Variants in BMP2K observed in about 807,000 individuals in gnomAD.
BMP2K encodes the protein BMP2 inducible kinase, also known as BMP-2-inducible protein kinase.
A neutral mutation model predicts 116.0 loss-of-function variants in BMP2K; 74 were observed. The observed-to-expected ratio is 0.64, with a 90% CI of 0.53 to 0.77. BMP2K has a LOEUF of 0.77. Among genes scored for constraint, BMP2K ranks in the 30% least tolerant of loss-of-function variants. The probability of loss-of-function intolerance (pLI) is 0.00; values close to 1 mark genes in which losing one functional copy is unlikely to be tolerated. For missense variants in BMP2K, 1,365 were observed against 1,403.6 expected, an observed-to-expected ratio of 0.97 and a Z score of 0.44; for synonymous variants, 486 against 502.5, an observed-to-expected ratio of 0.97 and a Z score of 0.44.
intron 1 of BMP2K, among the ~76,000 whole-genome samples, chr4:78,823,901 T>C (rs968828525): frequency 2.0e-5 from 3 of 152,180 alleles, no homozygotes; most frequent in African/African-American, 7.2e-5. Flanking sequence ...GATAAATTCT[T>C]TCTTTCCACA....
intron 10 of BMP2K, among the ~76,000 whole-genome samples, chr4:78,865,963 T>A (rs186031723): frequency 6.6e-6 from 1 of 152,324 alleles, no homozygotes; most frequent in East Asian, 1.9e-4. Context: ...GCTTTGATAC[T>A]ATAAATACAA....
intron 1 of BMP2K, among the ~76,000 whole-genome samples, chr4:78,800,800 A>G (rs1171156896): frequency 6.6e-6 from 1 of 152,196 alleles, no homozygotes; most frequent in Non-Finnish European, 1.5e-5. Flanking sequence ...CTTTGTTTGT[A>G]TACAAGTGTT....
intron 1 of BMP2K, among the ~76,000 whole-genome samples, chr4:78,784,164 CCCT>C (rs1462226676): frequency 2.0e-5 from 3 of 152,104 alleles, no homozygotes; most frequent in Non-Finnish European, 4.4e-5. Flanking sequence ...TTCACCATTT[CCCT>C]CCTATTTTTT....
chr4:78,848,993 A>G (rs1731132048), intron 6 of BMP2K, among the ~76,000 whole-genome samples: 1 of 151,474 alleles, frequency 6.6e-6, no homozygotes, highest in Non-Finnish European at 1.5e-5. Context: ...TTGGCCAAGA[A>G]CTGTATCTTT....
chr4:78,838,194 C>G lies in BMP2K; in HGVS notation c.404-4191C>G, dbSNP rs537953734. On this transcript the variant is annotated intron_variant, in intron 3 of 15. Coordinates refer to ENST00000502613, the MANE Select transcript of BMP2K (RefSeq NM_198892.2). The stretch of plus-strand genomic sequence containing the variant: ...CTTTTACATCCCTTTTTAAAACCAT[C>G]GGATGTCGTGAGACTTATTCACCAT... Among the ~76,000 whole-genome samples, 6 of 152,138 alleles carry G rather than the reference C, an allele frequency of 3.9e-5. No homozygotes were observed. The South Asian group carries it at 8.3e-4, about 21-fold the overall frequency.
At chr4:78,872,016 C>T in intron 12 of BMP2K, 68 bp downstream of exon 12, 3 of 1,101,806 alleles carry the variant, frequency 2.7e-6, no homozygotes, top group Non-Finnish European at 4.0e-6. Context: ...CAGTATGAAT[C>T]ATATTATTCA....
At chr4:78,776,907 C>T (rs1435918914) in intron 1 of BMP2K, among the ~76,000 whole-genome samples, 186 bp downstream of exon 1, 2 of 152,160 alleles carry the variant, frequency 1.3e-5, no homozygotes, top group Non-Finnish European at 2.9e-5. Context: ...TTGCCGCTGG[C>T]TGCCCCGGCC....
intron 10 of BMP2K, among the ~76,000 whole-genome samples, chr4:78,867,595 G>A (rs1008574197): frequency 1.3e-5 from 2 of 152,050 alleles, no homozygotes; most frequent in East Asian, 1.9e-4. Context: ...TAACACGTGA[G>A]TATTGTATTT....
chr4:78,839,598 A>G (rs1233822518), intron 3 of BMP2K, among the ~76,000 whole-genome samples: 1 of 152,202 alleles, frequency 6.6e-6, no homozygotes, highest in East Asian at 1.9e-4. Flanking sequence ...CTAGAGGGAC[A>G]GAACTAATAG....
At chr4:78,848,961 A>G (rs2110030731) in intron 6 of BMP2K, among the ~76,000 whole-genome samples, 1 of 151,560 alleles carries the variant, frequency 6.6e-6, no homozygotes, top group South Asian at 2.1e-4. Flanking sequence ...AGTAATATCC[A>G]GAAAAAAATA....
chr4:78,784,540 A>G (rs1216870298), intron 1 of BMP2K, among the ~76,000 whole-genome samples: 1 of 152,242 alleles, frequency 6.6e-6, no homozygotes, highest in East Asian at 1.9e-4. Context: ...GTCAGTCAGC[A>G]CATGTCTGCT....
intron 15 of BMP2K, among the ~76,000 whole-genome samples, chr4:78,894,781 CT>C (rs1165036836): frequency 2.0e-5 from 3 of 152,330 alleles, no homozygotes; most frequent in South Asian, 4.1e-4. Flanking sequence ...TTTCAGCGTG[CT>C]TTCCTCTCTA....
intron 10 of BMP2K, among the ~76,000 whole-genome samples, chr4:78,869,176 A>T (rs1732210817): frequency 6.6e-6 from 1 of 152,166 alleles, no homozygotes; most frequent in Non-Finnish European, 1.5e-5. Flanking sequence ...CCCAAACCTC[A>T]GTTCTTGACT....
intron 7 of BMP2K, 52 bp downstream of exon 7, chr4:78,851,108 C>G: frequency 1.4e-6 from 2 of 1,450,434 alleles, no homozygotes; most frequent in Non-Finnish European, 1.8e-6. Flanking sequence ...GTACTTAGGG[C>G]CTACTATTTA....
In BMP2K at chr4:78,829,783, T is replaced by TTCTTTTCTTTTC. The variant is rs1553915833; in HGVS notation, c.297+3636_297+3637insTTTCTCTTTTCT. On this transcript the variant is annotated intron_variant, in intron 2 of 15. Coordinates refer to ENST00000502613, the MANE Select transcript of BMP2K (RefSeq NM_198892.2). ...TTCTTTTCTTTTCTTTTCTTTTCTTTTCTTTTCTCTTCTCTTCTCTTCTCT... is the reference window on the plus strand; with the variant it reads ...TTCTTTTCTTTTCTTTTCTTTTCTTTTCTTTTCTTTTCTCTTTTCTCTTCTCTTCTCTTCTCT... Among the ~76,000 whole-genome samples the TTCTTTTCTTTTC allele has an allele frequency of 6.5e-3, 717 of 110,700 alleles. 10 individuals are homozygous for TTCTTTTCTTTTC. Among genetic ancestry groups the TTCTTTTCTTTTC allele is most frequent in the South Asian group, 0.015 (48 of 3,216 alleles). The allele number at this position is 110,700 out of a possible 152,430, so 72.6% of individuals were successfully genotyped here.
chr4:78,914,029 CATAGT>C lies in BMP2K; in HGVS notation c.*1998_*2002del, dbSNP rs1180332260. 6.6e-6 allele frequency: 1 copy of C among 151,678 alleles called. No individual in the cohort carries two copies. The highest frequency in any genetic ancestry group is 1.5e-5 in the Non-Finnish European group (1 of 67,932). The allele number at this position is 151,678 out of a possible 1,614,324, so 9.4% of individuals were successfully genotyped here. A position where few individuals can be genotyped will look rare whatever the true frequency, so the allele number is the denominator to read the frequency against. Reference sequence around the variant, plus strand: ...TAAAAGTGAAGAGTTGATGATTACACATAGTAAATTCATGAACTACAGTAGGTTTG... The same window carrying C: ...TAAAAGTGAAGAGTTGATGATTACACAAATTCATGAACTACAGTAGGTTTG... On this transcript the variant is annotated 3_prime_UTR_variant, in exon 16 of 16. Coordinates refer to ENST00000502613, the MANE Select transcript of BMP2K (RefSeq NM_198892.2).
At chr4:78,791,594 A>G (rs1434075278) in intron 1 of BMP2K, among the ~76,000 whole-genome samples, 3 of 152,178 alleles carry the variant, frequency 2.0e-5, no homozygotes, top group Non-Finnish European at 4.4e-5. Context: ...CCCATCAAAC[A>G]CCAACTTTCC....
intron 15 of BMP2K, among the ~76,000 whole-genome samples, chr4:78,905,211 G>A (rs891321298): frequency 8.6e-5 from 13 of 151,530 alleles, no homozygotes; most frequent in Non-Finnish European, 1.2e-4. Context: ...ATTTTTGCAC[G>A]GCATTTATTT....
intron 1 of BMP2K, among the ~76,000 whole-genome samples, chr4:78,777,639 A>C (rs77785285): frequency 0.04 from 6,111 of 152,310 alleles, 411 homozygotes; most frequent in African/African-American, 0.14. Context: ...AACACTTTAA[A>C]AGAAATACTT....
Sources: gnomAD v4.1 joint callset for allele counts (sites outside exome capture counted in the v4.1 genomes callset) on GRCh38, gnomAD v4.1.1 for gene constraint, MANE v1.5 for transcripts, NCBI Gene and HGNC (gene_info 2026-07-23, HGNC 2026-07-21) for gene names.